AUTS2: variants seen among roughly 807,000 people sequenced by gnomAD.
The protein encoded by AUTS2 is autism susceptibility gene 2 protein.
Under a neutral mutation model 112.4 loss-of-function variants are expected in AUTS2, and 17 were observed. The observed-to-expected ratio is 0.15, with a 90% CI of 0.10 to 0.23. The LOEUF (loss-of-function observed/expected upper bound fraction) is 0.23, where lower values mean the gene tolerates loss of function less well. AUTS2 is among the 10% of genes least tolerant of loss of function. AUTS2 has a pLI of 1.00. For missense variants in AUTS2, 1,510 were observed against 1,701.6 expected (o/e 0.89, Z 1.98); for synonymous variants, 751 against 702.7 (o/e 1.07, Z -1.09).
intron 2 of AUTS2, among the ~76,000 whole-genome samples, chr7:69,939,239 A>T (rs1796532500): frequency 6.6e-6 from 1 of 152,174 alleles, no homozygotes; most frequent in Non-Finnish European, 1.5e-5. Flanking sequence ...AAGAAGTAAA[A>T]TTCAATCATT....
intron 1 of AUTS2, among the ~76,000 whole-genome samples, chr7:69,788,582 A>G (rs1789478692): frequency 1.3e-5 from 2 of 152,160 alleles, no homozygotes; most frequent in Non-Finnish European, 2.9e-5. Flanking sequence ...TTCCTCTGGT[A>G]TTGTTTGAAT....
At chr7:69,807,030 G>A (rs139798320) in intron 1 of AUTS2, among the ~76,000 whole-genome samples, 2 of 151,600 alleles carry the variant, frequency 1.3e-5, no homozygotes, top group Admixed American at 6.6e-5. Context: ...GCTTGCTCTT[G>A]TAATGTTTAG....
intron 5 of AUTS2, among the ~76,000 whole-genome samples, chr7:70,439,311 G>A (rs752567073): frequency 8.5e-5 from 13 of 152,218 alleles, no homozygotes; most frequent in East Asian, 1.9e-4. Context: ...AGGCCAAGGC[G>A]GGGAGATGAC....
rs571684898 is a variant in AUTS2, at chr7:69,941,250, G to A, written c.522+41752G>A. ...TCAAAGCGTGGGATGATCTGACAGC[G>A]TCAGCAGCACTGCACAACAGTGGGA... is the stretch of plus-strand genomic sequence containing the variant. On this transcript the variant is annotated intron_variant, in intron 2 of 18. Transcript: ENST00000342771. 4.1e-4 allele frequency among the ~76,000 whole-genome samples: 62 copies of A among 152,256 alleles called. 2 individuals are homozygous for A. In the South Asian group the frequency reaches 9.3e-3, roughly 23 times the overall value.
intron 5 of AUTS2, among the ~76,000 whole-genome samples, chr7:70,545,971 A>G (rs751406850): frequency 2.0e-5 from 3 of 152,214 alleles, no homozygotes; most frequent in South Asian, 2.1e-4. Flanking sequence ...GTTTACTTTC[A>G]TATTGGTTTG....
chr7:69,847,679 C>T (rs1792271898), intron 1 of AUTS2, among the ~76,000 whole-genome samples: 1 of 152,178 alleles, frequency 6.6e-6, no homozygotes. Context: ...CTAGAAGAAT[C>T]AAGCCTTTGC....
At chr7:70,545,197 A>T (rs1800722106) in intron 5 of AUTS2, among the ~76,000 whole-genome samples, 1 of 152,234 alleles carries the variant, frequency 6.6e-6, no homozygotes, top group African/African-American at 2.4e-5. Flanking sequence ...TAATGCTAAA[A>T]GAGAGCCACC....
intron 4 of AUTS2, among the ~76,000 whole-genome samples, chr7:70,273,822 A>G (rs1787806280): frequency 1.3e-5 from 2 of 152,166 alleles, no homozygotes; most frequent in East Asian, 1.9e-4. Flanking sequence ...AAAAGTCTGC[A>G]TGTAAGTGGA....
At chr7:69,704,399 T>C (rs1297807030) in intron 1 of AUTS2, among the ~76,000 whole-genome samples, 1 of 152,036 alleles carries the variant, frequency 6.6e-6, no homozygotes, top group East Asian at 1.9e-4. Context: ...TGCCTCAGCC[T>C]CCCGAGTAGC....
chr7:69,963,128 A>T (rs1797497429), intron 2 of AUTS2, among the ~76,000 whole-genome samples: 1 of 152,136 alleles, frequency 6.6e-6, no homozygotes, highest in Non-Finnish European at 1.5e-5. Flanking sequence ...TGGGAAATGG[A>T]AGGAGAAGGA....
chr7:70,292,808 C>CT (rs896181869), intron 4 of AUTS2: 1 of 152,082 alleles, frequency 6.6e-6, no homozygotes, highest in African/African-American at 2.4e-5. Context: ...AATGGTATTC[C>CT]TTTGAGTGAG....
intron 4 of AUTS2, among the ~76,000 whole-genome samples, chr7:70,352,033 T>C (rs918792507): frequency 6.6e-6 from 1 of 152,194 alleles, no homozygotes; most frequent in African/African-American, 2.4e-5. Flanking sequence ...CTAACAATTA[T>C]TGAGGGCTTA....
chr7:70,698,371 C>T (rs1012836453), intron 5 of AUTS2, among the ~76,000 whole-genome samples, 198 bp from the exon 6 acceptor site: 2 of 138,634 alleles, frequency 1.4e-5, no homozygotes, highest in Non-Finnish European at 2.9e-5. Context: ...GATTTTTTTC[C>T]CCCCAGCAAA....
chr7:69,802,805 G>C (rs1369965684), intron 1 of AUTS2, among the ~76,000 whole-genome samples: 1 of 152,158 alleles, frequency 6.6e-6, no homozygotes, highest in Non-Finnish European at 1.5e-5. Flanking sequence ...TGCTGCTGGA[G>C]AGCCCAAGGG....
intron 4 of AUTS2, among the ~76,000 whole-genome samples, chr7:70,313,328 CCATTGGTATCATTTTATTAGA>C (rs1446836220): frequency 6.6e-6 from 1 of 152,142 alleles, no homozygotes; most frequent in African/African-American, 2.4e-5. Context: ...GCTACCAAGA[CCATTGGTATCATTTTATTAGA>C]CATGACTATT....
intron 4 of AUTS2, among the ~76,000 whole-genome samples, chr7:70,205,067 G>C (rs561430852): frequency 1.3e-5 from 2 of 152,216 alleles, no homozygotes; most frequent in East Asian, 3.9e-4. Flanking sequence ...TTTTAAAACA[G>C]GGTCTTGCTG....
chr7:69,913,309 A>G (rs924781599), intron 2 of AUTS2, among the ~76,000 whole-genome samples: 1 of 152,198 alleles, frequency 6.6e-6, no homozygotes, highest in Non-Finnish European at 1.5e-5. Flanking sequence ...CCCAGAATTT[A>G]TCAGCTAATT....
At chr7:70,722,790 A>C (rs1786773956) in intron 6 of AUTS2, among the ~76,000 whole-genome samples, 1 of 152,178 alleles carries the variant, frequency 6.6e-6, no homozygotes. Flanking sequence ...AAATTCCGTA[A>C]AGATCTGTAT....
At chr7:70,744,864 T>C (rs1422570626) in intron 6 of AUTS2, among the ~76,000 whole-genome samples, 1 of 152,106 alleles carries the variant, frequency 6.6e-6, no homozygotes, top group Non-Finnish European at 1.5e-5. Flanking sequence ...TATGTGCTCA[T>C]GAGCAGGCAA....
Sources: gnomAD v4.1 joint callset for allele counts (sites outside exome capture counted in the v4.1 genomes callset) on GRCh38, gnomAD v4.1.1 for gene constraint, MANE v1.5 for transcripts, NCBI Gene and HGNC (gene_info 2026-07-23, HGNC 2026-07-21) for gene names.